Variants in SGCD observed in about 807,000 individuals in gnomAD.
SGCD encodes the protein delta-sarcoglycan.
A neutral mutation model predicts 36.6 loss-of-function variants in SGCD; 18 were observed. The ratio of observed to expected loss-of-function variants is 0.49; its 90% CI spans 0.34 to 0.73. The LOEUF is 0.73. Among genes scored for constraint, SGCD ranks in the 30% least tolerant of loss-of-function variants. SGCD has a pLI of 0.01. For missense variants in SGCD, 387 were observed against 346.7 expected, an observed-to-expected ratio of 1.12 and a Z score of -0.92; for synonymous variants, 133 against 130.6, an observed-to-expected ratio of 1.02 and a Z score of -0.12.
chr5:156,298,354 T>C (rs1405682942), intron 3 of SGCD, among the ~76,000 whole-genome samples: 1 of 152,104 alleles, frequency 6.6e-6, no homozygotes, highest in East Asian at 1.9e-4. Context: ...TTCTTCAGAG[T>C]GGTTGTACTA....
At chr5:156,356,352 A>G (rs1769490099) in intron 3 of SGCD, among the ~76,000 whole-genome samples, 1 of 152,128 alleles carries the variant, frequency 6.6e-6, no homozygotes, top group Non-Finnish European at 1.5e-5. Flanking sequence ...TGGGTGGTTG[A>G]TGCTAGCTGT....
At chr5:156,225,297 A>T (rs1031282077) in intron 3 of SGCD, among the ~76,000 whole-genome samples, 4 of 152,264 alleles carry the variant, frequency 2.6e-5, no homozygotes, top group African/African-American at 9.6e-5. Flanking sequence ...GAAATATTAG[A>T]TTTTTAATAA....
intron 3 of SGCD, among the ~76,000 whole-genome samples, chr5:156,385,380 T>C (rs1322114520): frequency 6.6e-6 from 1 of 152,232 alleles, no homozygotes; most frequent in African/African-American, 2.4e-5. Context: ...TTTTTTATGC[T>C]TTTTAAGTAT....
the SGCD span, among the ~76,000 whole-genome samples, chr5:155,820,535 C>G: frequency 6.6e-6 from 1 of 151,834 alleles, no homozygotes; most frequent in Non-Finnish European, 1.5e-5. Flanking sequence ...AACAAACAAA[C>G]AAATAAATAA....
the SGCD span, among the ~76,000 whole-genome samples, chr5:155,805,793 A>C: frequency 3.3e-5 from 5 of 152,204 alleles, no homozygotes; most frequent in East Asian, 9.6e-4. Context: ...CTGGTGTGCA[A>C]ATGATTCTGT....
At chr5:156,340,212 G>C (rs1254161217) in intron 2 of SGCD, among the ~76,000 whole-genome samples, 1 of 152,202 alleles carries the variant, frequency 6.6e-6, no homozygotes, top group Non-Finnish European at 1.5e-5. Flanking sequence ...TAGAGCATTT[G>C]TTTTGATGAG....
At chr5:156,467,911 A>G (rs565600137) in intron 3 of SGCD, among the ~76,000 whole-genome samples, 18 of 152,352 alleles carry the variant, frequency 1.2e-4, no homozygotes, top group African/African-American at 4.1e-4. Context: ...AGTGTATGTG[A>G]ACTGTGGTGG....
At chr5:156,593,749 A>T (rs1344907439) in intron 5 of SGCD, among the ~76,000 whole-genome samples, 1 of 152,112 alleles carries the variant, frequency 6.6e-6, no homozygotes, top group Non-Finnish European at 1.5e-5. Flanking sequence ...AATAAACCCA[A>T]TTTGTTCAAC....
intron 3 of SGCD, among the ~76,000 whole-genome samples, chr5:156,180,511 T>C (rs573830952): frequency 6.6e-6 from 1 of 152,302 alleles, no homozygotes; most frequent in Non-Finnish European, 1.5e-5. Context: ...AAAATCAATA[T>C]ATGCTCCAGC....
intron 3 of SGCD, among the ~76,000 whole-genome samples, chr5:156,261,936 G>C (rs1485149013): frequency 6.6e-6 from 1 of 152,104 alleles, no homozygotes; most frequent in East Asian, 1.9e-4. Context: ...AAAAATATTT[G>C]TGGTATACAG....
chr5:156,127,815 A>G (rs944837383), intron 3 of SGCD, among the ~76,000 whole-genome samples: 1 of 150,124 alleles, frequency 6.7e-6, no homozygotes, highest in Non-Finnish European at 1.5e-5. Context: ...CCATACACAA[A>G]AATCAGTTTG....
At chr5:156,359,434 A>C (rs1050963828) in intron 3 of SGCD, among the ~76,000 whole-genome samples, 1 of 152,190 alleles carries the variant, frequency 6.6e-6, no homozygotes, top group African/African-American at 2.4e-5. Context: ...TCTCTGTAAC[A>C]GCCCTAGAAG....
chr5:155,990,388 A>C (rs1581030303), intron 1 of SGCD, among the ~76,000 whole-genome samples: 1 of 152,202 alleles, frequency 6.6e-6, no homozygotes, highest in East Asian at 1.9e-4. Flanking sequence ...TAAAGATTTA[A>C]AGATATAGCA....
At chr5:155,823,146 C>T in the SGCD span, among the ~76,000 whole-genome samples, 1 of 151,694 alleles carries the variant, frequency 6.6e-6, no homozygotes, top group African/African-American at 2.4e-5. Flanking sequence ...AGCTAGCTAT[C>T]TAAAAGGAGA....
At chr5:156,600,131 A>G (rs1761131032) in intron 6 of SGCD, among the ~76,000 whole-genome samples, 4 of 152,168 alleles carry the variant, frequency 2.6e-5, no homozygotes, top group Admixed American at 2.0e-4. Flanking sequence ...CATATTCAAC[A>G]CCTTGTGCGT....
intron 3 of SGCD, among the ~76,000 whole-genome samples, chr5:156,181,067 C>T (rs1763594913): frequency 6.6e-6 from 1 of 152,060 alleles, no homozygotes; most frequent in African/African-American, 2.4e-5. Context: ...TCTCTCAGTG[C>T]TTTGGGAAGG....
rs183455347 is a variant in SGCD, at chr5:155,932,919, C to A, written c.-282+62495C>A. On this transcript the variant is annotated intron_variant, in intron 1 of 9. Coordinates refer to the SGCD transcript ENST00000517913. ...TCCATTTTTGCCTTTTCCTTGTCATCCATCATATTCTTTATCTCATTATAG... is the reference window on the plus strand; with the variant it reads ...TCCATTTTTGCCTTTTCCTTGTCATACATCATATTCTTTATCTCATTATAG... Among the ~76,000 whole-genome samples the A allele has an allele frequency of 7.4e-4, 112 of 152,084 alleles. 1 individual carries two copies. Among genetic ancestry groups the A allele is most frequent in the African/African-American group, 2.6e-3 (108 of 41,494 alleles).
chr5:156,673,803 T>C (rs1472425798), intron 7 of SGCD, among the ~76,000 whole-genome samples: 2 of 152,334 alleles, frequency 1.3e-5, no homozygotes, highest in South Asian at 2.1e-4. Flanking sequence ...TGCTTGTCCC[T>C]TCCTTAAGTG....
the SGCD span, among the ~76,000 whole-genome samples, chr5:155,800,461 A>G: frequency 6.6e-6 from 1 of 152,166 alleles, no homozygotes; most frequent in Non-Finnish European, 1.5e-5. Flanking sequence ...TTTTTGAGCT[A>G]CTGACCTTTT....
Sources: allele counts gnomAD v4.1 joint callset (sites outside exome capture counted in the v4.1 genomes callset), GRCh38; gene constraint gnomAD v4.1.1; transcripts MANE v1.5; gene names NCBI Gene and HGNC (gene_info 2026-07-23, HGNC 2026-07-21).